The following IMMP2L variants were observed in gnomAD, a reference collection of about 807,000 sequenced individuals.
IMMP2L encodes the protein mitochondrial inner membrane protease subunit 2.
A neutral mutation model predicts 19.3 loss-of-function variants in IMMP2L; 18 were observed. The ratio of observed to expected loss-of-function variants is 0.93; its 90% CI spans 0.64 to 1.38. The LOEUF (loss-of-function observed/expected upper bound fraction) is 1.38, where lower values mean the gene tolerates loss of function less well. IMMP2L is among the 40% of genes most tolerant of loss of function. The pLI is 0.00. For synonymous variants in IMMP2L, 76 were observed against 73.0 expected (o/e 1.04, Z -0.21); for missense variants, 233 against 218.2 (o/e 1.07, Z -0.43).
intron 3 of IMMP2L, among the ~76,000 whole-genome samples, chr7:111,290,434 T>A (rs1820957274): frequency 6.6e-6 from 1 of 152,146 alleles, no homozygotes; most frequent in East Asian, 1.9e-4. Flanking sequence ...TTCGTTGGAA[T>A]GTTTTAAATG....
At chr7:111,334,715 T>A (rs1826221648) in intron 3 of IMMP2L, among the ~76,000 whole-genome samples, 1 of 152,108 alleles carries the variant, frequency 6.6e-6, no homozygotes, top group Non-Finnish European at 1.5e-5. Flanking sequence ...GCAAAAGACT[T>A]CCAGGGAATT....
At chr7:111,367,722 G>A (rs1416788347) in intron 3 of IMMP2L, among the ~76,000 whole-genome samples, 1 of 151,878 alleles carries the variant, frequency 6.6e-6, no homozygotes, top group Non-Finnish European at 1.5e-5. Flanking sequence ...GCTAGTGTGA[G>A]TCCAAATTTG....
chr7:111,323,526 C>CTT (rs1824975145), intron 3 of IMMP2L, among the ~76,000 whole-genome samples: 1 of 152,068 alleles, frequency 6.6e-6, no homozygotes, highest in African/African-American at 2.4e-5. Flanking sequence ...AATAGGAACA[C>CTT]TTTTACACTG....
intron 5 of IMMP2L, among the ~76,000 whole-genome samples, chr7:110,792,028 T>C (rs77258743): frequency 6.6e-6 from 1 of 151,744 alleles, no homozygotes; most frequent in African/African-American, 2.4e-5. Flanking sequence ...CCCTTCAAAG[T>C]TGGGCAAGGG....
In IMMP2L at chr7:111,033,533, C is replaced by A. The variant is rs913848056; in HGVS notation, c.240-69968G>T. Among the ~76,000 whole-genome samples, 118 of 152,288 alleles carry A rather than the reference C, an allele frequency of 7.7e-4. 2 individuals are homozygous for A. Among genetic ancestry groups the A allele is most frequent in the Middle Eastern group, 6.8e-3 (2 of 294 alleles). On this transcript the variant is annotated intron_variant, in intron 3 of 5. Coordinates refer to ENST00000405709, the MANE Select transcript of IMMP2L (RefSeq NM_032549.4). ...ACAGCCCTCACAGGACTGTTTATAG[C>A]AGCTTTATTCATAATTGCCAAAACT...
intron 5 of IMMP2L, among the ~76,000 whole-genome samples, chr7:110,696,918 G>A (rs559646492): frequency 6.6e-6 from 1 of 152,294 alleles, no homozygotes; most frequent in South Asian, 2.1e-4. Context: ...TGGGCAGGAA[G>A]ATCCAGGTGG....
At chr7:111,196,517 C>T (rs1809521862) in intron 3 of IMMP2L, among the ~76,000 whole-genome samples, 1 of 152,120 alleles carries the variant, frequency 6.6e-6, no homozygotes, top group Non-Finnish European at 1.5e-5. Flanking sequence ...ATGGAGGACA[C>T]TAAGAGTCTC....
intron 3 of IMMP2L, among the ~76,000 whole-genome samples, chr7:111,398,546 T>C (rs1298844624): frequency 1.3e-5 from 2 of 152,014 alleles, no homozygotes; most frequent in Non-Finnish European, 1.5e-5. Flanking sequence ...TTGAAAGCAT[T>C]CCTTCTGAGT....
chr7:111,198,753 C>T (rs767004154), intron 3 of IMMP2L, among the ~76,000 whole-genome samples: 6 of 152,138 alleles, frequency 3.9e-5, no homozygotes, highest in African/African-American at 7.2e-5. Flanking sequence ...TATTAGGACT[C>T]GTTCATTCTG....
chr7:110,828,705 G>C (rs1803711798), intron 5 of IMMP2L, among the ~76,000 whole-genome samples: 1 of 152,104 alleles, frequency 6.6e-6, no homozygotes, highest in Non-Finnish European at 1.5e-5. Flanking sequence ...GTTCAATTAT[G>C]AGTAAAACAC....
intron 2 of IMMP2L, among the ~76,000 whole-genome samples, chr7:111,509,090 A>G (rs1253873885): frequency 2.6e-5 from 4 of 152,204 alleles, no homozygotes; most frequent in Non-Finnish European, 5.9e-5. Flanking sequence ...TCCAAGCAAA[A>G]GCAATTACCA....
intron 3 of IMMP2L, chr7:111,392,031 C>A (rs1289654547): frequency 1.4e-6 from 1 of 701,152 alleles, no homozygotes; most frequent in South Asian, 1.5e-5. Context: ...TTTGTATATG[C>A]AAATTCTTCA....
At chr7:111,503,708 A>C (rs1264380699) in intron 2 of IMMP2L, among the ~76,000 whole-genome samples, 1 of 152,166 alleles carries the variant, frequency 6.6e-6, no homozygotes, top group East Asian at 1.9e-4. Flanking sequence ...AAACAGAACC[A>C]AAGACAAAAA....
At chr7:111,134,073 T>C (rs1234833839) in intron 3 of IMMP2L, among the ~76,000 whole-genome samples, 1 of 152,058 alleles carries the variant, frequency 6.6e-6, no homozygotes, top group South Asian at 2.1e-4. Flanking sequence ...AAAATTGTGA[T>C]TGATGTCTTT....
intron 3 of IMMP2L, among the ~76,000 whole-genome samples, chr7:111,261,979 T>C (rs1233520351): frequency 6.6e-6 from 1 of 152,034 alleles, no homozygotes; most frequent in Non-Finnish European, 1.5e-5. Flanking sequence ...TTGGAAACAA[T>C]ATACCAGTAG....
At chr7:111,113,409 A>G (rs1157564985) in intron 3 of IMMP2L, among the ~76,000 whole-genome samples, 2 of 151,972 alleles carry the variant, frequency 1.3e-5, no homozygotes, top group African/African-American at 4.8e-5. Context: ...ATACATGTCT[A>G]TCATGTCCTC....
At chr7:111,421,713 T>G (rs1378558418) in intron 3 of IMMP2L, among the ~76,000 whole-genome samples, 2 of 151,798 alleles carry the variant, frequency 1.3e-5, no homozygotes, top group East Asian at 1.9e-4. Context: ...ATGCAGAAGC[T>G]CTTTAGTTTA....
At chr7:111,065,906 G>GTA (rs893233391) in intron 3 of IMMP2L, among the ~76,000 whole-genome samples, 3 of 150,666 alleles carry the variant, frequency 2.0e-5, no homozygotes, top group African/African-American at 7.3e-5. Flanking sequence ...TACAATGTGT[G>GTA]TGTGTGTGCG....
In IMMP2L at chr7:111,271,175, TCTC is replaced by T. The variant is rs1485388677; in HGVS notation, c.239+216060_239+216062del. On this transcript the variant is annotated intron_variant, in intron 3 of 5. Transcript: ENST00000405709. The stretch of plus-strand genomic sequence containing the variant: ...GTTTTTCCCCCTTTTGCTTGGCACT[TCTC>T]CTTCCTGTTGCCATATGAGGAAGGA... 2.0e-5 allele frequency among the ~76,000 whole-genome samples: 3 copies of T among 152,060 alleles called. No individual in the cohort carries two copies. In the East Asian group the frequency reaches 5.8e-4, roughly 29 times the overall value.
Sources: gnomAD v4.1 joint callset for allele counts (sites outside exome capture counted in the v4.1 genomes callset) on GRCh38, gnomAD v4.1.1 for gene constraint, MANE v1.5 for transcripts, NCBI Gene and HGNC (gene_info 2026-07-23, HGNC 2026-07-21) for gene names.